The following ARHGAP20 variants were observed in gnomAD, a reference collection of about 807,000 sequenced individuals.
The protein encoded by ARHGAP20 is rho GTPase-activating protein 20.
A neutral mutation model predicts 73.7 loss-of-function variants in ARHGAP20; 34 were observed. That is an observed-to-expected ratio of 0.46 (90% CI 0.35 to 0.61). The LOEUF is 0.61. Ranked by LOEUF, ARHGAP20 falls within the 20% of genes least tolerant of loss-of-function variation. The pLI, the probability that ARHGAP20 is intolerant of heterozygous loss-of-function variation, is 0.00. For missense variants in ARHGAP20, 1,314 were observed against 1,420.9 expected (o/e 0.92, Z 1.21); for synonymous variants, 523 against 518.2 (o/e 1.01, Z -0.13).
chr11:110,677,383 G>A (rs934472360), intron 2 of ARHGAP20, among the ~76,000 whole-genome samples: 2 of 152,172 alleles, frequency 1.3e-5, no homozygotes, highest in Non-Finnish European at 2.9e-5. Flanking sequence ...CACAGACATT[G>A]TGACCCATTC....
chr11:110,664,773 A>C (rs933912448), intron 2 of ARHGAP20, among the ~76,000 whole-genome samples: 1 of 151,890 alleles, frequency 6.6e-6, no homozygotes, highest in African/African-American at 2.4e-5. Context: ...TATTGTTTAC[A>C]CTAGCAATAA....
chr11:110,648,228 T>TATATATGTAAATATATATATGTAA (rs1949262102), intron 2 of ARHGAP20, among the ~76,000 whole-genome samples: 1 of 81,814 alleles, frequency 1.2e-5, no homozygotes, highest in Admixed American at 1.2e-4. Flanking sequence ...TATGTATATA[T>TATATATGTAAATATATATATGTAA]ATATATATGT....
At chr11:110,645,428 C>T (rs1949170276) in intron 2 of ARHGAP20, among the ~76,000 whole-genome samples, 1 of 152,128 alleles carries the variant, frequency 6.6e-6, no homozygotes, top group Non-Finnish European at 1.5e-5. Context: ...TACTATCTGA[C>T]AGCACCAGGC....
Position 110,615,541 on chromosome 11 carries a change from C to T in ARHGAP20, c.545+12G>A. 2 of 1,606,360 alleles carry T rather than the reference C, an allele frequency of 1.2e-6. No homozygotes were observed. Among genetic ancestry groups the T allele is most frequent in the Non-Finnish European group, 8.5e-7 (1 of 1,176,516 alleles). On this transcript the variant is annotated intron_variant, in intron 5 of 14. Coordinates refer to ENST00000683387, the MANE Select transcript of ARHGAP20 (RefSeq NM_001384657.1). ...AGGTTAAAGATTAAAAATATGAATA[C>T]TGAAAAAATACCTCTGAAGGAGAGA...
chr11:110,680,571 C>A (rs763816151), intron 2 of ARHGAP20, among the ~76,000 whole-genome samples: 17 of 151,724 alleles, frequency 1.1e-4, no homozygotes, highest in Non-Finnish European at 2.5e-4. Flanking sequence ...TTTCCTGGTG[C>A]CAAAATGAAA....
chr11:110,635,303 C>T (rs137923733), intron 2 of ARHGAP20, among the ~76,000 whole-genome samples: 6 of 152,036 alleles, frequency 3.9e-5, no homozygotes, highest in African/African-American at 1.2e-4. Flanking sequence ...TGCAAATTCT[C>T]GGGCCTTCCT....
At chr11:110,682,909 C>T (rs1215093466) in intron 2 of ARHGAP20, among the ~76,000 whole-genome samples, 3 of 152,042 alleles carry the variant, frequency 2.0e-5, no homozygotes, top group Non-Finnish European at 2.9e-5. Context: ...GGATGGAGTG[C>T]CAACATTTAA....
Position 110,578,160 on chromosome 11 carries a change from T to A in ARHGAP20, c.*1210A>T, listed in dbSNP as rs1947337994. The A allele has an allele frequency of 3.0e-6, 3 of 985,254 alleles. No individual in the cohort carries two copies. Among genetic ancestry groups the A allele is most frequent in the East Asian group, 1.1e-4 (1 of 8,814 alleles). The allele number at this position is 985,254 out of a possible 1,614,324, so 61.0% of individuals were successfully genotyped here. On this transcript the variant is annotated 3_prime_UTR_variant, in exon 15 of 15. Transcript: ENST00000683387. ...AGTCAAGAAAGCAGAGAAAGAAAGG[T>A]CCATGGATATAAAATAAACCAATGG...
intron 4 of ARHGAP20, among the ~76,000 whole-genome samples, chr11:110,616,170 T>C (rs1948478498): frequency 6.6e-6 from 1 of 152,028 alleles, no homozygotes; most frequent in Admixed American, 6.6e-5. Flanking sequence ...AAAAAATACA[T>C]ACAGCAAGAT....
intron 1 of ARHGAP20, among the ~76,000 whole-genome samples, chr11:110,699,066 C>A (rs1377047437): frequency 1.3e-5 from 2 of 151,696 alleles, no homozygotes; most frequent in African/African-American, 4.8e-5. Context: ...ATAAACTTTC[C>A]TCTTAGTTCT....
intron 2 of ARHGAP20, among the ~76,000 whole-genome samples, chr11:110,674,890 T>G (rs1949900961): frequency 6.6e-6 from 1 of 152,192 alleles, no homozygotes; most frequent in African/African-American, 2.4e-5. Context: ...CTTCCTTTTC[T>G]TAACTGTGAT....
intron 3 of ARHGAP20, among the ~76,000 whole-genome samples, chr11:110,625,768 G>T (rs555683967): frequency 6.6e-6 from 1 of 152,258 alleles, no homozygotes; most frequent in East Asian, 1.9e-4. Context: ...TAAACAGAAG[G>T]CACAGAGAAG....
intron 2 of ARHGAP20, among the ~76,000 whole-genome samples, chr11:110,664,727 C>CA (rs34643863): frequency 0.038 from 3,313 of 87,570 alleles, 73 homozygotes; most frequent in Non-Finnish European, 0.052. Context: ...GACTCCGTCT[C>CA]AAAAAAAAAA....
At position 110,580,131 on chromosome 11, in the gene ARHGAP20, A is replaced by C; in HGVS notation, c.2815T>G (p.Ser939Ala). The C allele has an allele frequency of 6.2e-7, 1 of 1,614,198 alleles. No homozygotes were observed. Among genetic ancestry groups the C allele is most frequent in the Non-Finnish European group, 8.5e-7 (1 of 1,180,024 alleles). ...CCGGATGGGGAAGTGCCTGGGGAGG[A>C]TAAGCTGGAATAGCTGGTCCTTGGG... ...LCPRTSYSSL[S>A]SPGTSPSGSS... The change falls in exon 15 of 15, where the codon TCC becomes GCC. Residue 939 changes from serine to alanine, a missense_variant. Physicochemically the swap from Ser to Ala is moderately conservative, Grantham distance 99 (BLOSUM62 1). Coordinates refer to ENST00000683387, the MANE Select transcript of ARHGAP20 (RefSeq NM_001384657.1).
intron 12 of ARHGAP20, among the ~76,000 whole-genome samples, chr11:110,584,383 T>C (rs1178827563): frequency 1.8e-3 from 3 of 1,704 alleles, no homozygotes; most frequent in Non-Finnish European, 0.014. Context: ...ACTACTATTA[T>C]CCCAAAAAGT....
At position 110,583,787 on chromosome 11, in the gene ARHGAP20, T is replaced by G. The variant is rs974480440; in HGVS notation, c.1416-50A>C. ...AAGCAAGACATTTCATTCAAAAACT[T>G]GTAAAGACAAGCAACTCTCACTTTG... is the stretch of plus-strand genomic sequence containing the variant. On this transcript the variant is annotated intron_variant, in intron 12 of 14. Coordinates refer to ENST00000683387, the MANE Select transcript of ARHGAP20 (RefSeq NM_001384657.1). The G allele has an allele frequency of 6.3e-6, 9 of 1,425,260 alleles. No individual in the cohort carries two copies. In the East Asian group the frequency reaches 2.2e-4, roughly 35 times the overall value. The allele number at this position is 1,425,260 out of a possible 1,614,324, so 88.3% of individuals were successfully genotyped here. A position where few individuals can be genotyped will look rare whatever the true frequency, so the allele number is the denominator to read the frequency against.
chr11:110,695,674 T>C (rs1950322305), intron 1 of ARHGAP20, among the ~76,000 whole-genome samples: 1 of 151,456 alleles, frequency 6.6e-6, no homozygotes, highest in Non-Finnish European at 1.5e-5. Context: ...AAAAAGATAA[T>C]TACAAGTGTT....
chr11:110,678,587 T>G (rs1241699155), intron 2 of ARHGAP20, among the ~76,000 whole-genome samples: 1 of 152,218 alleles, frequency 6.6e-6, no homozygotes, highest in East Asian at 1.9e-4. Flanking sequence ...AAGATTACTC[T>G]ATTGATTTAT....
chr11:110,582,250 C>T, intron 14 of ARHGAP20, 71 bp downstream of exon 14: 2 of 1,286,736 alleles, frequency 1.6e-6, no homozygotes, highest in South Asian at 2.4e-5. Flanking sequence ...CAGGAAAACC[C>T]CTATCCCAGC....
Sources: gnomAD v4.1 joint callset for allele counts (sites outside exome capture counted in the v4.1 genomes callset) on GRCh38, gnomAD v4.1.1 for gene constraint, MANE v1.5 for transcripts, NCBI Gene and HGNC (gene_info 2026-07-23, HGNC 2026-07-21) for gene names.